RBPMS: variants seen among roughly 807,000 people sequenced by gnomAD.
RBPMS encodes RNA binding protein, mRNA processing factor.
Under a neutral mutation model 26.8 loss-of-function variants are expected in RBPMS, and 7 were observed. The observed-to-expected ratio is 0.26, with a 90% CI of 0.15 to 0.49. The LOEUF (loss-of-function observed/expected upper bound fraction) is 0.49, where lower values mean the gene tolerates loss of function less well. RBPMS is among the 20% of genes least tolerant of loss of function. RBPMS has a pLI of 0.98. For synonymous variants in RBPMS, 96 were observed against 93.3 expected, an observed-to-expected ratio of 1.03 and a Z score of -0.17; for missense variants, 186 against 250.0, an observed-to-expected ratio of 0.74 and a Z score of 1.73.
At chr8:30,545,168 C>A (rs985388701) in intron 6 of RBPMS, 1 of 1,300,762 alleles carries the variant, frequency 7.7e-7, no homozygotes, top group African/African-American at 1.5e-5. Flanking sequence ...TTTCAGGAAA[C>A]CCTGTAGAAA....
intron 2 of RBPMS, among the ~76,000 whole-genome samples, chr8:30,475,149 G>T (rs1817549874): frequency 6.6e-6 from 1 of 152,088 alleles, no homozygotes; most frequent in South Asian, 2.1e-4. Context: ...AGGTTTTTAT[G>T]AACTGAGTTA....
At chr8:30,549,453 T>C in intron 6 of RBPMS, 1 of 1,495,198 alleles carries the variant, frequency 6.7e-7, no homozygotes, top group Non-Finnish European at 9.3e-7. Context: ...CAGACATAAA[T>C]GAAATTGTTA....
At chr8:30,448,714 T>G (rs1234638779) in intron 1 of RBPMS, among the ~76,000 whole-genome samples, 7 of 152,246 alleles carry the variant, frequency 4.6e-5, no homozygotes, top group African/African-American at 1.7e-4. Context: ...TTTCTAGTTA[T>G]GTTGAACCAA....
At chr8:30,430,625 G>C (rs1811827837) in intron 1 of RBPMS, among the ~76,000 whole-genome samples, 1 of 152,154 alleles carries the variant, frequency 6.6e-6, no homozygotes, top group Non-Finnish European at 1.5e-5. Flanking sequence ...TAAGTTCCTA[G>C]TAGCTATCTC....
Position 30,551,483 on chromosome 8 carries a change from A to ACCATTACTCTCCATTACT in RBPMS, c.528+6875_528+6892dup, listed in dbSNP as rs1178781148. On this transcript the variant is annotated intron_variant, in intron 6 of 8. Coordinates refer to ENST00000397323, the MANE Select transcript of RBPMS (RefSeq NM_001008710.3). ...CGTGGGCCTCCTCCTGACTGGGGGC[A>ACCATTACTCTCCATTACT]CCATTACTCTCCATTACTCCATTAC... Among the ~76,000 whole-genome samples the ACCATTACTCTCCATTACT allele has an allele frequency of 2.0e-5, 3 of 152,242 alleles. No individual in the cohort carries two copies. The East Asian group carries it at 5.8e-4, about 29-fold the overall frequency.
At position 30,384,951 on chromosome 8, in the gene RBPMS, C is replaced by T. The variant is rs1165541958; in HGVS notation, c.-142C>T. ...CCAACCCGAGCCCGACAGCCACTGCCCCGGCTCCAGCTCCAGCCCCACAGC... is the reference window on the plus strand; with the variant it reads ...CCAACCCGAGCCCGACAGCCACTGCTCCGGCTCCAGCTCCAGCCCCACAGC... On this transcript the variant is annotated 5_prime_UTR_variant, in exon 1 of 9. Coordinates refer to ENST00000397323, the MANE Select transcript of RBPMS (RefSeq NM_001008710.3). The surrounding 1 kb of genome is among the most constrained non-coding windows in gnomAD (Gnocchi z 5.6). The T allele has an allele frequency of 1.4e-5, 7 of 493,030 alleles. No individual in the cohort carries two copies. The highest frequency in any genetic ancestry group is 1.6e-5 in the Non-Finnish European group (5 of 304,360). The allele number at this position is 493,030 out of a possible 1,614,324, so 30.5% of individuals were successfully genotyped here.
chr8:30,543,890 T>C (rs1349371243), intron 5 of RBPMS, among the ~76,000 whole-genome samples: 2 of 152,232 alleles, frequency 1.3e-5, no homozygotes, highest in African/African-American at 2.4e-5. Flanking sequence ...TTAATCAGGA[T>C]TCTCAAGGTT....
intron 6 of RBPMS, chr8:30,545,544 T>C (rs1034155673): frequency 5.1e-5 from 35 of 682,106 alleles, no homozygotes; most frequent in Middle Eastern, 1.5e-3. Flanking sequence ...ATTATTAGGC[T>C]GGACAGGCAG....
chr8:30,540,578 G>A (rs1439651981), intron 5 of RBPMS, among the ~76,000 whole-genome samples: 3 of 152,148 alleles, frequency 2.0e-5, no homozygotes, highest in East Asian at 1.9e-4. Flanking sequence ...GGCATGCACC[G>A]CCAGGCCTGG....
At chr8:30,526,556 C>T (rs147589474) in intron 5 of RBPMS, among the ~76,000 whole-genome samples, 1,617 of 152,278 alleles carry the variant, frequency 0.011, 17 homozygotes, top group African/African-American at 0.032. Flanking sequence ...GGCTGGGAAG[C>T]CCTCAGGTTG....
At chr8:30,534,661 G>C (rs970955470) in intron 5 of RBPMS, among the ~76,000 whole-genome samples, 1 of 152,178 alleles carries the variant, frequency 6.6e-6, no homozygotes, top group Non-Finnish European at 1.5e-5. Context: ...GCTCACAGAA[G>C]AGTTTGCTTA....
intron 5 of RBPMS, among the ~76,000 whole-genome samples, chr8:30,540,104 C>T (rs1460351524): frequency 6.6e-6 from 1 of 152,068 alleles, no homozygotes; most frequent in Non-Finnish European, 1.5e-5. Flanking sequence ...CCTCCCTGCC[C>T]CCAGAAGAGG....
rs1294905110 is a variant in RBPMS, at chr8:30,571,698, G to A, written c.*1173G>A. On this transcript the variant is annotated 3_prime_UTR_variant, in exon 9 of 9. Transcript: ENST00000397323. ...AGACGTCCTGCCACACCCCACAGGA[G>A]ACGGAGGCAGTGGGCATTTGGAACC... The A allele has an allele frequency of 1.3e-5, 2 of 152,320 alleles. No individual in the cohort carries two copies. Among genetic ancestry groups the A allele is most frequent in the African/African-American group, 4.8e-5 (2 of 41,472 alleles). The allele number at this position is 152,320 out of a possible 1,614,324, so 9.4% of individuals were successfully genotyped here.
At chr8:30,518,687 CTTTTTTTTTTTTTTTT>C (rs58763494) in intron 5 of RBPMS, among the ~76,000 whole-genome samples, 16 of 18,244 alleles carry the variant, frequency 8.8e-4, no homozygotes, top group African/African-American at 1.9e-3. Flanking sequence ...CCAAGCATGA[CTTTTTTTTTTTTTTTT>C]TTTTTTTTTT....
intron 1 of RBPMS, chr8:30,442,854 AG>A (rs1360574172): frequency 6.6e-6 from 1 of 152,106 alleles, no homozygotes; most frequent in Non-Finnish European, 1.5e-5. Context: ...GAAAGATCAG[AG>A]GGTGACACTT....
At chr8:30,544,862 A>G in intron 6 of RBPMS, 2 of 1,513,190 alleles carry the variant, frequency 1.3e-6, no homozygotes, top group Non-Finnish European at 1.8e-6. Flanking sequence ...CTCTTCCTTA[A>G]TGATCTCACC....
chr8:30,459,050 A>G (rs759045032), intron 1 of RBPMS, among the ~76,000 whole-genome samples: 5 of 144,310 alleles, frequency 3.5e-5, no homozygotes, highest in African/African-American at 5.2e-5. Context: ...TGCAACCGCC[A>G]CCTCCTGGGT....
intron 8 of RBPMS, among the ~76,000 whole-genome samples, chr8:30,569,577 T>C (rs904100539): frequency 3.3e-5 from 5 of 152,134 alleles, no homozygotes; most frequent in African/African-American, 1.2e-4. Context: ...TGTTAGGGAT[T>C]TGGAAGCCAC....
intron 1 of RBPMS, among the ~76,000 whole-genome samples, chr8:30,390,741 A>AT (rs1044334130): frequency 6.6e-6 from 1 of 152,124 alleles, no homozygotes; most frequent in Admixed American, 6.5e-5. Flanking sequence ...CCTGGTTATT[A>AT]TTTTTTTCAG....
Sources: allele counts gnomAD v4.1 joint callset (sites outside exome capture counted in the v4.1 genomes callset), GRCh38; gene constraint gnomAD v4.1.1; non-coding constraint Gnocchi (gnomAD v3.1); transcripts MANE v1.5; gene names NCBI Gene and HGNC (gene_info 2026-07-23, HGNC 2026-07-21).